ESRRG: variants seen among roughly 807,000 people sequenced by gnomAD.
The protein encoded by ESRRG is estrogen related receptor gamma.
Under a neutral mutation model 44.0 loss-of-function variants are expected in ESRRG, and 13 were observed. That is an observed-to-expected ratio of 0.30 (90% CI 0.19 to 0.47). The LOEUF (loss-of-function observed/expected upper bound fraction) is 0.47, where lower values mean the gene tolerates loss of function less well. Among genes scored for constraint, ESRRG ranks in the 20% least tolerant of loss-of-function variants. The pLI, the probability that ESRRG is intolerant of heterozygous loss-of-function variation, is 1.00. For synonymous variants in ESRRG, 215 were observed against 214.6 expected (o/e 1.00, Z -0.02); for missense variants, 395 against 580.6 (o/e 0.68, Z 3.29).
chr1:216,930,510 C>T (rs2063194836), intron 2 of ESRRG, among the ~76,000 whole-genome samples: 1 of 152,164 alleles, frequency 6.6e-6, no homozygotes, highest in African/African-American at 2.4e-5. Context: ...GCCCATGGGT[C>T]TGTTTCTAGA....
At chr1:216,526,450 T>C (rs2047684116) in intron 5 of ESRRG, among the ~76,000 whole-genome samples, 1 of 152,006 alleles carries the variant, frequency 6.6e-6, no homozygotes, top group East Asian at 1.9e-4. Flanking sequence ...CAAGGGATGC[T>C]TGAGGCCACC....
chr1:216,860,246 A>G (rs1046061067), intron 2 of ESRRG, among the ~76,000 whole-genome samples: 1 of 152,218 alleles, frequency 6.6e-6, no homozygotes, highest in Non-Finnish European at 1.5e-5. Flanking sequence ...CCTGAGTGAC[A>G]GAGCGAGACT....
chr1:216,974,225 A>C (rs796613802), intron 1 of ESRRG, among the ~76,000 whole-genome samples: 39 of 152,348 alleles, frequency 2.6e-4, no homozygotes, highest in African/African-American at 8.9e-4. Context: ...AGCTAGAAGA[A>C]TTGGAATGTT....
chr1:216,530,678 T>A (rs1047568113), intron 5 of ESRRG, among the ~76,000 whole-genome samples: 1 of 152,170 alleles, frequency 6.6e-6, no homozygotes, highest in African/African-American at 2.4e-5. Flanking sequence ...GAGTTGTGAT[T>A]ATCTTGTGTA....
At chr1:216,956,273 C>T (rs937838563) in intron 1 of ESRRG, among the ~76,000 whole-genome samples, 7 of 152,082 alleles carry the variant, frequency 4.6e-5, no homozygotes, top group Non-Finnish European at 7.4e-5. Flanking sequence ...ATCCACTTTC[C>T]CCAACACCAT....
rs113164045 is a variant in ESRRG, at chr1:217,128,508, G to A, written c.-230+9159C>T. Among the ~76,000 whole-genome samples the A allele has an allele frequency of 9.3e-3, 1,413 of 152,240 alleles. 11 individuals are homozygous for A. Among genetic ancestry groups the A allele is most frequent in the Middle Eastern group, 0.017 (5 of 294 alleles). ...CAACCTTTTGATTTTCCTGGTTATT[G>A]TTGGTTTAAGGCAGCTCCTTAATGT... On this transcript the variant is annotated intron_variant, in intron 1 of 8. Transcript: ENST00000366940.
At chr1:216,952,533 G>A (rs1004049593) in intron 1 of ESRRG, among the ~76,000 whole-genome samples, 1 of 151,972 alleles carries the variant, frequency 6.6e-6, no homozygotes. Context: ...TCCTCCTGTG[G>A]CAACCTAACC....
At chr1:217,097,150 A>C (rs1169741867) in intron 1 of ESRRG, among the ~76,000 whole-genome samples, 1 of 152,110 alleles carries the variant, frequency 6.6e-6, no homozygotes, top group Non-Finnish European at 1.5e-5. Flanking sequence ...ATAGGGCTGA[A>C]GTTTTGGATT....
At chr1:217,040,463 C>T (rs188233625) in intron 1 of ESRRG, among the ~76,000 whole-genome samples, 1 of 152,190 alleles carries the variant, frequency 6.6e-6, no homozygotes, top group African/African-American at 2.4e-5. Flanking sequence ...TCATAATTCT[C>T]TTCAAACTAT....
intron 2 of ESRRG, among the ~76,000 whole-genome samples, chr1:216,812,087 G>A (rs2094988916): frequency 6.6e-6 from 1 of 152,156 alleles, no homozygotes; most frequent in Admixed American, 6.5e-5. Context: ...AACAGTAACA[G>A]ACTGTCCTTA....
chr1:216,804,183 T>A (rs1193305849), intron 2 of ESRRG, among the ~76,000 whole-genome samples: 5 of 152,214 alleles, frequency 3.3e-5, no homozygotes, highest in Non-Finnish European at 7.3e-5. Flanking sequence ...TATTTATTTA[T>A]CCAGTTTCTC....
intron 1 of ESRRG, among the ~76,000 whole-genome samples, chr1:217,098,828 G>T (rs7514298): frequency 0.27 from 41,724 of 151,996 alleles, 5,861 homozygotes; most frequent in Non-Finnish European, 0.29. Flanking sequence ...ACATCCCATG[G>T]AATGTGATTT....
chr1:216,914,586 A>C (rs1018122563), intron 2 of ESRRG, among the ~76,000 whole-genome samples: 8 of 152,212 alleles, frequency 5.3e-5, no homozygotes, highest in Non-Finnish European at 1.2e-4. Flanking sequence ...TGCTGACATT[A>C]CCAAAAGAAA....
intron 1 of ESRRG, among the ~76,000 whole-genome samples, chr1:217,009,653 A>G (rs992914119): frequency 6.8e-6 from 1 of 147,894 alleles, no homozygotes; most frequent in African/African-American, 2.5e-5. Flanking sequence ...CTCTACATCC[A>G]TGTCTCCCAT....
intron 2 of ESRRG, among the ~76,000 whole-genome samples, chr1:216,732,737 A>G (rs1037886409): frequency 3.3e-5 from 5 of 151,314 alleles, no homozygotes; most frequent in Non-Finnish European, 5.9e-5. Flanking sequence ...CCAGCAGTTC[A>G]AGGCATCAGT....
At chr1:217,000,997 T>C (rs2076968377) in intron 1 of ESRRG, among the ~76,000 whole-genome samples, 1 of 152,228 alleles carries the variant, frequency 6.6e-6, no homozygotes, top group Non-Finnish European at 1.5e-5. Context: ...CTTGATTTAA[T>C]GGAGAAATAA....
intron 1 of ESRRG, among the ~76,000 whole-genome samples, chr1:216,991,113 G>T (rs1038840427): frequency 2.0e-5 from 3 of 152,038 alleles, no homozygotes; most frequent in African/African-American, 7.2e-5. Context: ...TCATGCAAGG[G>T]ATCTAGTTTG....
At chr1:217,113,299 T>A (rs2092680424) in intron 1 of ESRRG, among the ~76,000 whole-genome samples, 1 of 152,198 alleles carries the variant, frequency 6.6e-6, no homozygotes. Context: ...ATCAAGGAAC[T>A]GGCAACATGT....
chr1:217,105,121 C>T (rs572827431), intron 1 of ESRRG, among the ~76,000 whole-genome samples: 36 of 152,330 alleles, frequency 2.4e-4, no homozygotes, highest in African/African-American at 8.7e-4. Context: ...ATCTGGACCC[C>T]TAGTCAGGGA....
Sources: gnomAD v4.1 joint callset for allele counts (sites outside exome capture counted in the v4.1 genomes callset) on GRCh38, gnomAD v4.1.1 for gene constraint, MANE v1.5 for transcripts, NCBI Gene and HGNC (gene_info 2026-07-23, HGNC 2026-07-21) for gene names.